EMP1: variants seen among roughly 807,000 people sequenced by gnomAD.
EMP1 encodes the protein epithelial membrane protein 1.
A neutral mutation model predicts 15.7 loss-of-function variants in EMP1; 5 were observed. The ratio of observed to expected loss-of-function variants is 0.32; its 90% confidence interval spans 0.17 to 0.67. EMP1 has a LOEUF of 0.67. Ranked by LOEUF, EMP1 falls within the 30% of genes least tolerant of loss-of-function variation. The probability of loss-of-function intolerance (pLI) is 0.74; values close to 1 mark genes in which losing one functional copy is unlikely to be tolerated. For missense variants in EMP1, 166 were observed against 194.2 expected (o/e 0.85, Z 0.86); for synonymous variants, 78 against 76.7 (o/e 1.02, Z -0.09).
intron 4 of EMP1, 147 bp downstream of exon 4, chr12:13,213,968 A>G (rs1555140687): frequency 8.3e-7 from 1 of 1,206,184 alleles, no homozygotes; most frequent in Non-Finnish European, 1.2e-6. Context: ...CTTGTGGAGA[A>G]CCTTGGATTG....
intron 1 of EMP1, among the ~76,000 whole-genome samples, chr12:13,200,184 C>A (rs974916398): frequency 6.6e-6 from 1 of 152,146 alleles, no homozygotes; most frequent in African/African-American, 2.4e-5. Flanking sequence ...TGTACATACT[C>A]GGAGGGACAC....
intron 1 of EMP1, among the ~76,000 whole-genome samples, chr12:13,208,166 C>G (rs1242190396): frequency 6.6e-6 from 1 of 152,138 alleles, no homozygotes; most frequent in African/African-American, 2.4e-5. Flanking sequence ...GGTATAAATT[C>G]TCATAAATGG....
Position 13,215,253 on chromosome 12 carries a change from C to G in EMP1, c.*562C>G, listed in dbSNP as rs1484213622. 1 of 152,754 alleles carries G rather than the reference C, an allele frequency of 6.5e-6. No individual in the cohort carries two copies. Among genetic ancestry groups the G allele is most frequent in the Admixed American group, 6.5e-5 (1 of 15,340 alleles). The allele number at this position is 152,754 out of a possible 1,614,324, so 9.5% of individuals were successfully genotyped here. ...TATTTAGCTCTGTGGAATTCAGTGA[C>G]AAAATGGGAGGAGGAAAGAGAGTTT... On this transcript the variant is annotated 3_prime_UTR_variant, in exon 5 of 5. Transcript: ENST00000256951.
At chr12:13,198,945 TTCCCCCCC>T (rs1565576503) in intron 1 of EMP1, among the ~76,000 whole-genome samples, 1 of 139,316 alleles carries the variant, frequency 7.2e-6, no homozygotes, top group African/African-American at 2.6e-5. Flanking sequence ...AGGGTTATTT[TTCCCCCCC>T]ACTCTGCCCG....
chr12:13,203,461 C>T (rs1046644631), intron 1 of EMP1, among the ~76,000 whole-genome samples: 3 of 152,242 alleles, frequency 2.0e-5, no homozygotes, highest in Non-Finnish European at 4.4e-5. Context: ...CGAAGGAGGA[C>T]AAGCGGAAAT....
Position 13,218,389 on chromosome 12 carries a change from TA to T in EMP1, c.*3699del, listed in dbSNP as rs1652110474. 6.6e-6 allele frequency: 1 copy of T among 152,212 alleles called. No individual in the cohort carries two copies. Among genetic ancestry groups the T allele is most frequent in the South Asian group, 2.1e-4 (1 of 4,836 alleles). 9.4% of individuals were successfully genotyped at this position (152,212 alleles called of 1,614,324 possible). ...TAGTTAGAATATAGCATATCCTGTA[TA>T]GATGAAATGTCCTAGCGAAAATGTT... On this transcript the variant is annotated 3_prime_UTR_variant, in exon 5 of 5. Coordinates refer to ENST00000256951, the MANE Select transcript of EMP1 (RefSeq NM_001423.3).
chr12:13,211,656 A>C lies in EMP1; in HGVS notation c.78+68A>C, dbSNP rs1295630700. On this transcript the variant is annotated intron_variant, in intron 2 of 4. Transcript: ENST00000256951. The surrounding 1 kb of genome is among the most constrained non-coding windows in gnomAD (Gnocchi z 4.7). ...TCGAATATTTACATCAAGTGCACAAAAGAAGTTTAAGCCACAGCCCTTGCC... is the reference window on the plus strand; with the variant it reads ...TCGAATATTTACATCAAGTGCACAACAGAAGTTTAAGCCACAGCCCTTGCC... 6.3e-7 allele frequency: 1 copy of C among 1,578,564 alleles called. No homozygotes were observed. Among genetic ancestry groups the C allele is most frequent in the East Asian group, 2.2e-5 (1 of 44,710 alleles).
At chr12:13,209,253 A>G (rs1343615703) in intron 1 of EMP1, 1 of 152,212 alleles carries the variant, frequency 6.6e-6, no homozygotes, top group Non-Finnish European at 1.5e-5. Context: ...CATAGGGGGC[A>G]AGGAGATCAG....
At chr12:13,214,509 C>A (rs371889732) in intron 4 of EMP1, 25 bp from the exon 5 acceptor site, 8 of 1,603,668 alleles carry the variant, frequency 5.0e-6, no homozygotes, top group African/African-American at 1.3e-5. Context: ...GAAAACACAC[C>A]GACAAATCTC....
chr12:13,200,570 G>A (rs1864056798), intron 1 of EMP1, among the ~76,000 whole-genome samples: 1 of 152,228 alleles, frequency 6.6e-6, no homozygotes, highest in South Asian at 2.1e-4. Context: ...TATGGTTCCA[G>A]TTAGGGGTTT....
Position 13,216,289 on chromosome 12 carries a change from G to T in EMP1, c.*1598G>T. Reference sequence around the variant, plus strand: ...ATTTCTTTTATACCTTTCCTTTTTGGGGAGTTGTTATGCCATGATTTTTGG... The same window carrying T: ...ATTTCTTTTATACCTTTCCTTTTTGTGGAGTTGTTATGCCATGATTTTTGG... On this transcript the variant is annotated 3_prime_UTR_variant, in exon 5 of 5. Coordinates refer to ENST00000256951, the MANE Select transcript of EMP1 (RefSeq NM_001423.3). 6.0e-6 allele frequency: 4 copies of T among 671,020 alleles called. No homozygotes were observed. The highest frequency in any genetic ancestry group is 2.3e-5 in the Admixed American group (1 of 43,930). 41.6% of individuals were successfully genotyped at this position (671,020 alleles called of 1,614,324 possible). A position where few individuals can be genotyped will look rare whatever the true frequency, so the allele number is the denominator to read the frequency against.
chr12:13,212,227 G>T (rs1047511313), intron 2 of EMP1, among the ~76,000 whole-genome samples: 10 of 152,116 alleles, frequency 6.6e-5, no homozygotes, highest in African/African-American at 2.4e-4. Context: ...AAAAAATGGA[G>T]GTAGTGTCTT....
chr12:13,208,777 G>A (rs189450850), intron 1 of EMP1, among the ~76,000 whole-genome samples: 18 of 152,302 alleles, frequency 1.2e-4, no homozygotes, highest in East Asian at 9.7e-4. Context: ...AAAGAGAGTC[G>A]CTCTTTTGCT....
At chr12:13,208,286 G>C (rs1309432904) in intron 1 of EMP1, among the ~76,000 whole-genome samples, 1 of 152,110 alleles carries the variant, frequency 6.6e-6, no homozygotes, top group African/African-American at 2.4e-5. Context: ...CAGGAGCAGG[G>C]GTTCTTCTGT....
chr12:13,218,389 T>C lies in EMP1; in HGVS notation c.*3698T>C, dbSNP rs1329787003. The C allele has an allele frequency of 2.0e-5, 3 of 152,212 alleles. No individual in the cohort carries two copies. 9.4% of individuals were successfully genotyped at this position (152,212 alleles called of 1,614,324 possible). A position where few individuals can be genotyped will look rare whatever the true frequency, so the allele number is the denominator to read the frequency against. ...TAGTTAGAATATAGCATATCCTGTA[T>C]AGATGAAATGTCCTAGCGAAAATGT... On this transcript the variant is annotated 3_prime_UTR_variant, in exon 5 of 5. Coordinates refer to ENST00000256951, the MANE Select transcript of EMP1 (RefSeq NM_001423.3).
intron 1 of EMP1, among the ~76,000 whole-genome samples, chr12:13,198,319 C>G (rs146281530): frequency 6.6e-6 from 1 of 151,746 alleles, no homozygotes; most frequent in Admixed American, 6.6e-5. Context: ...GAGGTGTGGC[C>G]CATTTCAACA....
At chr12:13,209,335 T>G (rs1320359511) in intron 1 of EMP1, 1 of 152,178 alleles carries the variant, frequency 6.6e-6, no homozygotes, top group African/African-American at 2.4e-5. Context: ...TCCTGGTCTT[T>G]CCTGAGGGTG....
chr12:13,208,389 CCCAGACTGAGGGTTTCCCTGGGGG>C (rs1481824864), intron 1 of EMP1, among the ~76,000 whole-genome samples: 1 of 152,152 alleles, frequency 6.6e-6, no homozygotes, highest in Admixed American at 6.5e-5. Context: ...ATCGCCTCCT[CCCAGACTGAGGGTTTCCCTGGGGG>C]CAGGAGGTAT....
At position 13,216,362 on chromosome 12, in the gene EMP1, C is replaced by T. The variant is rs182778268; in HGVS notation, c.*1671C>T. 11 of 701,616 alleles carry T rather than the reference C, an allele frequency of 1.6e-5. No homozygotes were observed. In the East Asian group the frequency reaches 3.0e-4, roughly 19 times the overall value. The allele number at this position is 701,616 out of a possible 1,614,324, so 43.5% of individuals were successfully genotyped here. On this transcript the variant is annotated 3_prime_UTR_variant, in exon 5 of 5. Coordinates refer to ENST00000256951, the MANE Select transcript of EMP1 (RefSeq NM_001423.3). ...CTAATTCTATTTCTCTATGTTTATTCTAGTTAAGGAAATGTTGAGGGCAAG... is the reference window on the plus strand; with the variant it reads ...CTAATTCTATTTCTCTATGTTTATTTTAGTTAAGGAAATGTTGAGGGCAAG...
Sources: gnomAD v4.1 joint callset for allele counts (sites outside exome capture counted in the v4.1 genomes callset) on GRCh38, gnomAD v4.1.1 for gene constraint, Gnocchi (gnomAD v3.1) non-coding constraint, MANE v1.5 for transcripts, NCBI Gene and HGNC (gene_info 2026-07-23, HGNC 2026-07-21) for gene names.